CAPN11: variants seen among roughly 807,000 people sequenced by gnomAD.
CAPN11 encodes the protein calpain 11, also known as calpain-11.
A neutral mutation model predicts 105.3 loss-of-function variants in CAPN11; 108 were observed. That is an observed-to-expected ratio of 1.03 (90% CI 0.88 to 1.20). The LOEUF (loss-of-function observed/expected upper bound fraction) is 1.20. Among genes scored for constraint, CAPN11 ranks in the 50% most tolerant of loss-of-function variants. The pLI is 0.00. For synonymous variants in CAPN11, 329 were observed against 344.5 expected, an observed-to-expected ratio of 0.96 and a Z score of 0.50; for missense variants, 883 against 924.8, an observed-to-expected ratio of 0.95 and a Z score of 0.59.
rs893252783 is a variant in CAPN11 at position 44,184,063 on chromosome 6, G to A, written c.*131G>A. 1.2e-4 allele frequency: 121 copies of A among 1,000,730 alleles called. No homozygotes were observed. The African/African-American group carries it at 1.9e-3, about 15-fold the overall frequency. The allele number at this position is 1,000,730 out of a possible 1,614,324, so 62.0% of individuals were successfully genotyped here. Reference sequence around the variant, plus strand: ...GATGAAATGGGCTCCAGGTGGCAGTGCCCGGGTCCCAGGTGCCGTGTTTAC... The same window carrying A: ...GATGAAATGGGCTCCAGGTGGCAGTACCCGGGTCCCAGGTGCCGTGTTTAC... On this transcript the variant is annotated 3_prime_UTR_variant, in exon 23 of 23. Transcript: ENST00000398776.
rs57009949 is a variant in CAPN11 at position 44,162,368 on chromosome 6, GACACACACACACAC to G, written c.16+3533_16+3546del. Among the ~76,000 whole-genome samples, 510 of 138,752 alleles carry G rather than the reference GACACACACACACAC, an allele frequency of 3.7e-3. 2 individuals carry two copies. Among genetic ancestry groups the G allele is most frequent in the South Asian group, 0.01 (41 of 4,038 alleles). 91.0% of individuals were successfully genotyped at this position (138,752 alleles called of 152,430 possible). ...CCCCCTCACAGTCTCTTTGAATAAA[GACACACACACACAC>G]ACACACACACACACACACACACACA... On this transcript the variant is annotated intron_variant, in intron 1 of 22. Transcript: ENST00000398776.
chr6:44,181,050 C>A, intron 18 of CAPN11, 53 bp downstream of exon 18: 3 of 1,543,302 alleles, frequency 1.9e-6, no homozygotes, highest in South Asian at 1.1e-5. Context: ...ACAAGCCTGG[C>A]CCAGAGATGG....
intron 1 of CAPN11, chr6:44,161,876 G>T (rs564348394): frequency 2.2e-6 from 1 of 456,138 alleles, no homozygotes; most frequent in Non-Finnish European, 4.4e-6. Flanking sequence ...AGGGCATGGA[G>T]TGGTTTGCCT....
Position 44,172,415 on chromosome 6 carries a change from T to C in CAPN11, c.523T>C (p.Phe175Leu). The change falls in exon 5 of 23, where the codon TTT becomes CTT. Residue 175 changes from phenylalanine (F) to leucine (L), a missense_variant. Transcript: ENST00000398776. ...GAAAAACTATGCTGGCATCTTCCAT[T>C]TTCAGGTGAAGGACAGTGTGAGAGC... is the stretch of plus-strand genomic sequence containing the variant. ...FKKNYAGIFH[F>L]QIWQFGQWVN... is the part of the protein sequence containing the mutation. 1.3e-6 allele frequency: 2 copies of C among 1,547,140 alleles called. No homozygotes were observed. The highest frequency in any genetic ancestry group is 1.8e-6 in the Non-Finnish European group (2 of 1,142,328).
chr6:44,161,083 G>A (rs760452767), intron 1 of CAPN11, among the ~76,000 whole-genome samples: 2 of 152,222 alleles, frequency 1.3e-5, no homozygotes, highest in Non-Finnish European at 2.9e-5. Context: ...CTTCCCACAG[G>A]CAGCCTTGGT....
At chr6:44,158,928 G>A in intron 1 of CAPN11, 64 bp downstream of exon 1, 1 of 1,425,058 alleles carries the variant, frequency 7.0e-7, no homozygotes, top group Non-Finnish European at 9.6e-7. Flanking sequence ...TCCCCCCAGG[G>A]GAGGAGCTGT....
intron 1 of CAPN11, among the ~76,000 whole-genome samples, chr6:44,163,039 T>C (rs868356574): frequency 6.6e-6 from 1 of 152,164 alleles, no homozygotes; most frequent in South Asian, 2.1e-4. Flanking sequence ...CAAATACCAG[T>C]TGACCAACTA....
chr6:44,161,569 G>A (rs1433582874), intron 1 of CAPN11, among the ~76,000 whole-genome samples: 2 of 152,218 alleles, frequency 1.3e-5, no homozygotes, highest in Non-Finnish European at 2.9e-5. Flanking sequence ...AGTCAGAGCT[G>A]AGTAATGACC....
chr6:44,176,457 T>C, intron 9 of CAPN11, 119 bp downstream of exon 9: 4 of 1,287,216 alleles, frequency 3.1e-6, no homozygotes, highest in Non-Finnish European at 3.4e-6. Context: ...CTCCTCCCTC[T>C]AGATTCTCCA....
At chr6:44,160,953 C>G (rs927733633) in intron 1 of CAPN11, among the ~76,000 whole-genome samples, 9 of 152,186 alleles carry the variant, frequency 5.9e-5, no homozygotes, top group Non-Finnish European at 1.0e-4. Flanking sequence ...AAAGGAAAGA[C>G]ATAGTATTGA....
chr6:44,165,833 C>A (rs1044565998), intron 1 of CAPN11, among the ~76,000 whole-genome samples: 5 of 152,074 alleles, frequency 3.3e-5, no homozygotes, highest in African/African-American at 1.2e-4. Flanking sequence ...TTTCCAGAAG[C>A]AGTAAAGGGT....
chr6:44,182,602 CTTTT>C (rs540484830), intron 19 of CAPN11, among the ~76,000 whole-genome samples: 1 of 151,842 alleles, frequency 6.6e-6, no homozygotes, highest in Non-Finnish European at 1.5e-5. Context: ...ATTTCTTTTT[CTTTT>C]TTTTGAGACG....
intron 7 of CAPN11, among the ~76,000 whole-genome samples, chr6:44,174,609 C>T (rs1460715238): frequency 7.1e-6 from 1 of 140,150 alleles, no homozygotes; most frequent in Non-Finnish European, 1.5e-5. Context: ...GCATGATTCA[C>T]GATATTCTTT....
rs1774218989 is a variant in CAPN11 at position 44,184,288 on chromosome 6, C to G, written c.*356C>G. ...AAGGGACTTGTAGCCCGTTTCTTAC[C>G]CTCCATGCTTGCTGTCCTGCTCACA... On this transcript the variant is annotated 3_prime_UTR_variant, in exon 23 of 23. Coordinates refer to ENST00000398776, the MANE Select transcript of CAPN11 (RefSeq NM_007058.4). 1 of 357,710 alleles carries G rather than the reference C, an allele frequency of 2.8e-6. No homozygotes were observed. The highest frequency in any genetic ancestry group is 5.2e-6 in the Non-Finnish European group (1 of 191,908). The allele number at this position is 357,710 out of a possible 1,614,324, so 22.2% of individuals were successfully genotyped here. A position where few individuals can be genotyped will look rare whatever the true frequency, so the allele number is the denominator to read the frequency against.
rs781216695 is a variant in CAPN11 at position 44,169,958 on chromosome 6, T to C, written c.392T>C (p.Ile131Thr). Reference sequence around the variant, plus strand: ...ATGGATGGGATTTCTCCAACAGACATCTGCCAGGGGATCCTCGGTGAGTGG... The same window carrying C: ...ATGGATGGGATTTCTCCAACAGACACCTGCCAGGGGATCCTCGGTGAGTGG... ...FIMDGISPTD[I>T]CQGILGDCWL... Residue 131 changes from isoleucine to threonine, a missense_variant, in exon 4 of 23, where the codon ATC becomes ACC. Coordinates refer to ENST00000398776, the MANE Select transcript of CAPN11 (RefSeq NM_007058.4). 5 of 1,611,660 alleles carry C rather than the reference T, an allele frequency of 3.1e-6. No individual in the cohort carries two copies. The Admixed American group carries it at 8.4e-5, about 27-fold the overall frequency.
Position 44,166,965 on chromosome 6 carries a change from C to T in CAPN11, c.88+136C>T, listed in dbSNP as rs1770004642. 4 of 645,502 alleles carry T rather than the reference C, an allele frequency of 6.2e-6. No individual in the cohort carries two copies. In the East Asian group the frequency reaches 1.1e-4, roughly 18 times the overall value. 40.0% of individuals were successfully genotyped at this position (645,502 alleles called of 1,614,324 possible). On this transcript the variant is annotated intron_variant, in intron 2 of 22. Transcript: ENST00000398776. ...GGGAGGGCGGCGGGGGGAGGGGAGG[C>T]TACCCTCAGGAAGGGATGTTGGCAG... is the stretch of plus-strand genomic sequence containing the variant.
chr6:44,181,416 C>T (rs1773120305), intron 19 of CAPN11, 96 bp downstream of exon 19: 2 of 335,490 alleles, frequency 6.0e-6, no homozygotes, highest in East Asian at 7.7e-5. Context: ...CAAGCCCTAA[C>T]CACACACACA....
intron 13 of CAPN11, 105 bp downstream of exon 13, chr6:44,179,735 G>C (rs1044370164): frequency 8.0e-7 from 1 of 1,243,186 alleles, no homozygotes; most frequent in African/African-American, 1.5e-5. Context: ...GGCTCTGGGG[G>C]TCACTGGGTT....
chr6:44,182,768 T>G (rs1281570485), intron 19 of CAPN11, among the ~76,000 whole-genome samples, 173 bp from the exon 20 acceptor site: 3 of 152,066 alleles, frequency 2.0e-5, no homozygotes, highest in African/African-American at 7.2e-5. Flanking sequence ...GAGACGGGGT[T>G]TCGTCATGTT....
Sources: allele counts gnomAD v4.1 joint callset (sites outside exome capture counted in the v4.1 genomes callset), GRCh38; gene constraint gnomAD v4.1.1; transcripts MANE v1.5; gene names NCBI Gene and HGNC (gene_info 2026-07-23, HGNC 2026-07-21).